The following EPHA6 variants were observed in gnomAD, a reference collection of about 807,000 sequenced individuals.
EPHA6 encodes the protein EPH receptor A6.
A neutral mutation model predicts 112.0 loss-of-function variants in EPHA6; 50 were observed. The observed-to-expected ratio is 0.45, with a 90% CI of 0.36 to 0.56. The LOEUF is 0.56. Ranked by LOEUF, EPHA6 falls within the 20% of genes least tolerant of loss-of-function variation. The pLI, the probability that EPHA6 is intolerant of heterozygous loss-of-function variation, is 0.00. For missense variants in EPHA6, 1,280 were observed against 1,417.4 expected (o/e 0.90, Z 1.56); for synonymous variants, 529 against 490.7 (o/e 1.08, Z -1.03).
intron 11 of EPHA6, among the ~76,000 whole-genome samples, chr3:97,573,325 G>A (rs1577826179): frequency 6.6e-6 from 1 of 152,172 alleles, no homozygotes; most frequent in Non-Finnish European, 1.5e-5. Flanking sequence ...ACAAAGCAAT[G>A]TGCCTTTAGA....
At chr3:97,261,817 T>C (rs2079513636) in intron 5 of EPHA6, among the ~76,000 whole-genome samples, 3 of 152,176 alleles carry the variant, frequency 2.0e-5, no homozygotes, top group Admixed American at 2.0e-4. Context: ...AATGAGATGC[T>C]ACTATTGACA....
intron 3 of EPHA6, among the ~76,000 whole-genome samples, chr3:97,008,222 C>T (rs977425637): frequency 2.6e-5 from 4 of 152,164 alleles, no homozygotes; most frequent in Non-Finnish European, 4.4e-5. Flanking sequence ...TCCATTCTCC[C>T]TGTCTCCTTC....
At chr3:97,264,084 CTT>C (rs2079591176) in intron 5 of EPHA6, among the ~76,000 whole-genome samples, 1 of 152,222 alleles carries the variant, frequency 6.6e-6, no homozygotes, top group African/African-American at 2.4e-5. Context: ...CTACTGAACT[CTT>C]TCCTTGTAAT....
At chr3:97,406,973 C>T (rs2087389391) in intron 6 of EPHA6, among the ~76,000 whole-genome samples, 1 of 152,076 alleles carries the variant, frequency 6.6e-6, no homozygotes, top group Non-Finnish European at 1.5e-5. Context: ...CATATATATA[C>T]AAGCAACTTT....
chr3:97,258,349 A>G (rs529190518), intron 5 of EPHA6, among the ~76,000 whole-genome samples: 30 of 152,142 alleles, frequency 2.0e-4, no homozygotes, highest in Non-Finnish European at 3.1e-4. Flanking sequence ...TAAAATTTCA[A>G]TGTTATGATA....
At chr3:97,355,031 C>T (rs2083997747) in intron 5 of EPHA6, among the ~76,000 whole-genome samples, 1 of 151,982 alleles carries the variant, frequency 6.6e-6, no homozygotes, top group Admixed American at 6.6e-5. Flanking sequence ...AACATTCAAA[C>T]ATGAAGGAGA....
At chr3:97,541,114 G>T (rs1193341042) in intron 11 of EPHA6, among the ~76,000 whole-genome samples, 3 of 151,444 alleles carry the variant, frequency 2.0e-5, no homozygotes, top group African/African-American at 7.3e-5. Flanking sequence ...CCCTTTTAAT[G>T]CAATTTCTAG....
chr3:97,103,183 A>C (rs146423133), intron 3 of EPHA6, among the ~76,000 whole-genome samples: 12 of 152,062 alleles, frequency 7.9e-5, no homozygotes, highest in African/African-American at 2.9e-4. Flanking sequence ...TGCTTTTGGC[A>C]TATTTGTCAT....
chr3:96,864,292 G>A (rs74631584), intron 1 of EPHA6, among the ~76,000 whole-genome samples: 2 of 152,056 alleles, frequency 1.3e-5, no homozygotes, highest in African/African-American at 4.8e-5. Context: ...GGTGGCCTAT[G>A]TATAATGTTC....
chr3:96,814,861 C>T lies in EPHA6; in HGVS notation c.238C>T (p.Arg80Cys), dbSNP rs1485229732. ...HPTQNTCLRC[R>C]HFSLRERKRE... ...TACCCAGAACACCTGCCTGCGCTGC[C>T]GCCACTTCTCTTTAAGGGAGAGGAA... Residue 80 changes from arginine (R) to cysteine (C), a missense_variant, in exon 1 of 18, where the codon CGC becomes TGC. Arg to Cys is a radical substitution (Grantham distance 180). Around this residue, in one of 4 missense-constraint regions of EPHA6, gnomAD observed 220 missense variants for 171.5 expected, o/e 1.28. Coordinates refer to ENST00000389672, the MANE Select transcript of EPHA6 (RefSeq NM_001080448.3). The T allele has an allele frequency of 1.9e-6, 3 of 1,561,086 alleles. No homozygotes were observed. Among genetic ancestry groups the T allele is most frequent in the African/African-American group, 2.7e-5 (2 of 73,454 alleles).
At chr3:96,997,937 T>G (rs1416763682) in intron 3 of EPHA6, among the ~76,000 whole-genome samples, 2 of 152,042 alleles carry the variant, frequency 1.3e-5, no homozygotes, top group African/African-American at 4.8e-5. Context: ...CAAGACATGC[T>G]TGTACATTAT....
At chr3:97,100,048 A>G (rs935986294) in intron 3 of EPHA6, among the ~76,000 whole-genome samples, 4 of 151,914 alleles carry the variant, frequency 2.6e-5, no homozygotes, top group Non-Finnish European at 5.9e-5. Flanking sequence ...GTCACTATAC[A>G]AGGCCACAGT....
intron 6 of EPHA6, among the ~76,000 whole-genome samples, chr3:97,405,679 T>G (rs566409759): frequency 5.9e-5 from 9 of 152,224 alleles, no homozygotes. Flanking sequence ...CCTTTGCCAG[T>G]GTGTTTAGAG....
At chr3:97,327,981 A>G (rs1428172041) in intron 5 of EPHA6, among the ~76,000 whole-genome samples, 12 of 136,794 alleles carry the variant, frequency 8.8e-5, no homozygotes, top group African/African-American at 3.5e-4. Context: ...GTATATGTGC[A>G]TATATATGTA....
intron 7 of EPHA6, among the ~76,000 whole-genome samples, chr3:97,456,724 A>G (rs1553780417): frequency 6.6e-6 from 1 of 152,178 alleles, no homozygotes; most frequent in Non-Finnish European, 1.5e-5. Flanking sequence ...GAGATAAGAG[A>G]GTTCCTGATT....
chr3:96,816,692 T>C (rs938384358), intron 1 of EPHA6, among the ~76,000 whole-genome samples: 3 of 152,060 alleles, frequency 2.0e-5, no homozygotes, highest in Non-Finnish European at 2.9e-5. Flanking sequence ...ATACCTATGA[T>C]GCATCAGTAA....
chr3:97,001,836 C>A (rs887347722), intron 3 of EPHA6, among the ~76,000 whole-genome samples: 2 of 151,912 alleles, frequency 1.3e-5, no homozygotes, highest in African/African-American at 4.8e-5. Flanking sequence ...ACAAGCTCTG[C>A]TTTTCTGCAG....
chr3:97,083,015 A>C (rs1394412519), intron 3 of EPHA6, among the ~76,000 whole-genome samples: 5 of 151,094 alleles, frequency 3.3e-5, no homozygotes, highest in Non-Finnish European at 7.4e-5. Flanking sequence ...TGAGTCCCTA[A>C]ATTTGTCCAT....
At chr3:97,456,238 C>A (rs979833971) in intron 7 of EPHA6, among the ~76,000 whole-genome samples, 16 of 152,056 alleles carry the variant, frequency 1.1e-4, no homozygotes, top group African/African-American at 3.4e-4. Context: ...GGGAACATTT[C>A]TTTTGTTTCT....
Sources: gnomAD v4.1 joint callset for allele counts (sites outside exome capture counted in the v4.1 genomes callset) on GRCh38, gnomAD v4.1.1 for gene constraint, gnomAD v4.1.1 regional missense constraint, MANE v1.5 for transcripts, NCBI Gene and HGNC (gene_info 2026-07-23, HGNC 2026-07-21) for gene names.